Variants in CSF1R observed in about 807,000 individuals in gnomAD.
CSF1R encodes macrophage colony-stimulating factor 1 receptor.
CSF1R carries 40 observed loss-of-function variants against 110.0 expected under a neutral mutation model. That is an observed-to-expected ratio of 0.36 (90% CI 0.28 to 0.47). The LOEUF (loss-of-function observed/expected upper bound fraction) is 0.47. Ranked by LOEUF, CSF1R falls within the 20% of genes least tolerant of loss-of-function variation. The pLI is 0.99. For synonymous variants in CSF1R, 523 were observed against 503.4 expected (o/e 1.04, Z -0.52); for missense variants, 1,052 against 1,253.0 (o/e 0.84, Z 2.42).
intron 1 of CSF1R, among the ~76,000 whole-genome samples, chr5:150,085,487 G>A (rs576522451): frequency 2.9e-3 from 435 of 152,086 alleles, no homozygotes; most frequent in Non-Finnish European, 4.8e-3. Context: ...CAATAGAAAT[G>A]TGTTTGTTGG....
At chr5:150,113,250 C>A (rs1278420867) in intron 1 of CSF1R, 2 of 155,502 alleles carry the variant, frequency 1.3e-5, no homozygotes, top group African/African-American at 4.8e-5. Flanking sequence ...TATTCCCTCC[C>A]CTGTCCTTAC....
rs776648122 is a variant in CSF1R at position 150,080,356 on chromosome 5, A to G, written c.308-20T>C. On this transcript the variant is annotated intron_variant, in intron 2 of 20. Transcript: ENST00000675795. ...CAGGGTCTAGAGTAGAGGAGGGCAC[A>G]GGGTTACAACTGCCCTCCCTCCACT... 4 of 1,607,204 alleles carry G rather than the reference A, an allele frequency of 2.5e-6. No individual in the cohort carries two copies. In the Admixed American group the frequency reaches 6.7e-5, roughly 27 times the overall value.
chr5:150,080,662 C>A, intron 2 of CSF1R, 105 bp downstream of exon 2: 1 of 1,411,688 alleles, frequency 7.1e-7, no homozygotes, highest in Admixed American at 2.0e-5. Context: ...TCATAGCCAG[C>A]ACTCAGTAAA....
Position 150,059,691 on chromosome 5 carries a change from A to T in CSF1R, c.2132+9T>A, listed in dbSNP as rs771828963. The T allele has an allele frequency of 6.2e-7, 1 of 1,612,442 alleles. No individual in the cohort carries two copies. Among genetic ancestry groups the T allele is most frequent in the Non-Finnish European group, 8.5e-7 (1 of 1,178,622 alleles). On this transcript the variant is annotated intron_variant, in intron 14 of 20. Transcript: ENST00000675795. ...CCTGGCCTTTTTCTTGTCCTTTGCC[A>T]GGGGCTACCTGCGGACATATTTCTT...
At chr5:150,089,046 C>T (rs776753239), upstream of CSF1R, among the ~76,000 whole-genome samples, 10 of 152,106 alleles carry the variant, frequency 6.6e-5, no homozygotes, top group Non-Finnish European at 1.5e-4. Context: ...CAAAACCCAC[C>T]CAACAAACTA....
chr5:150,069,741 T>C, intron 9 of CSF1R, 132 bp downstream of exon 9: 1 of 802,290 alleles, frequency 1.2e-6, no homozygotes, highest in Non-Finnish European at 1.9e-6. Flanking sequence ...TGGACCTTGG[T>C]ACTGCTAGGA....
chr5:150,098,730 G>A (rs961863583), intron 1 of CSF1R, among the ~76,000 whole-genome samples: 2 of 151,832 alleles, frequency 1.3e-5, no homozygotes, highest in South Asian at 4.2e-4. Flanking sequence ...TAAATGATAA[G>A]ATAATTTGCC....
intron 9 of CSF1R, 30 bp downstream of exon 9, chr5:150,069,843 G>T (rs777897854): frequency 9.3e-6 from 13 of 1,394,400 alleles, no homozygotes; most frequent in African/African-American, 1.5e-5. Context: ...CGGGCGGGGG[G>T]GCGGTGCGGG....
At chr5:150,054,542 A>T (rs1757103020) in intron 19 of CSF1R, 112 bp from the exon 20 acceptor site, 8 of 819,530 alleles carry the variant, frequency 9.8e-6, no homozygotes, top group Admixed American at 3.0e-5. Context: ...CAGTCAAAGT[A>T]AGTTTAGTAT....
chr5:150,082,029 G>C (rs770864990), intron 1 of CSF1R, among the ~76,000 whole-genome samples: 5 of 152,178 alleles, frequency 3.3e-5, no homozygotes, highest in Non-Finnish European at 7.3e-5. Context: ...CCCGGTTTCC[G>C]CTCAGCCTGT....
chr5:150,068,378 C>T (rs1023888118), intron 9 of CSF1R, 48 bp from the exon 10 acceptor site: 7 of 1,407,126 alleles, frequency 5.0e-6, no homozygotes, highest in Non-Finnish European at 2.0e-6. Context: ...TGCCTCCGAG[C>T]CCCCTGAGGT....
intron 1 of CSF1R, among the ~76,000 whole-genome samples, chr5:150,109,546 ACTC>A (rs1759658363): frequency 6.6e-6 from 1 of 152,112 alleles, no homozygotes; most frequent in African/African-American, 2.4e-5. Flanking sequence ...TCTGTCTTCA[ACTC>A]TTCTCTGTCA....
Position 150,062,047 on chromosome 5 carries a change from G to A in CSF1R, c.1627-198C>T, listed in dbSNP as rs144377050. On this transcript the variant is annotated intron_variant, in intron 10 of 20. Coordinates refer to ENST00000675795, the MANE Select transcript of CSF1R (RefSeq NM_001288705.3). ...GCATGTTCCTGCTTGACTCTGCCTTGTTGTGTGACCTTCCCTTCTCCAAGC... is the reference window on the plus strand; with the variant it reads ...GCATGTTCCTGCTTGACTCTGCCTTATTGTGTGACCTTCCCTTCTCCAAGC... Among the ~76,000 whole-genome samples, 450 of 152,254 alleles carry A rather than the reference G, an allele frequency of 3.0e-3. 3 individuals are homozygous for A. Among genetic ancestry groups the A allele is most frequent in the African/African-American group, 0.01 (430 of 41,540 alleles).
Position 150,094,333 on chromosome 5 carries a change from T to C in CSF1R, c.-180-7726A>G, listed in dbSNP as rs895017335. On this transcript the variant is annotated intron_variant, in intron 1 of 21. Transcript: ENST00000286301. ...GGTGTAGAAGAGAAGAAGAAGGAGGTTCCTGCTGTGCCAGAAACCCTTAAG... is the reference window on the plus strand; with the variant it reads ...GGTGTAGAAGAGAAGAAGAAGGAGGCTCCTGCTGTGCCAGAAACCCTTAAG... The C allele has an allele frequency of 2.0e-5, 32 of 1,597,068 alleles. No individual in the cohort carries two copies. The Admixed American group carries it at 2.0e-4, about 10-fold the overall frequency.
chr5:150,077,193 G>T, intron 5 of CSF1R, 83 bp downstream of exon 5: 1 of 1,561,326 alleles, frequency 6.4e-7, no homozygotes, highest in Non-Finnish European at 8.8e-7. Context: ...CTCCTTCCCT[G>T]ACATCAGCTT....
rs544729900 is a variant in CSF1R at position 150,069,887 on chromosome 5, A to T, written c.1496T>A (p.Ile499Lys). Reference sequence around the variant, plus strand: ...CTCCCTCTCACCTGCAGAGATGGGTATGAAGGCCCAGGAGCCACTCCCCAC... The same window carrying T: ...CTCCCTCTCACCTGCAGAGATGGGTTTGAAGGCCCAGGAGCCACTCCCCAC... The part of the protein sequence containing the change: ...NSVGSGSWAF[I>K]PISAGAHTHP... The change falls in exon 9 of 21, where the codon ATA (isoleucine) becomes AAA (lysine). Residue 499 changes from isoleucine (I) to lysine (K), a missense_variant. Around this residue, in one of 5 missense-constraint regions of CSF1R, gnomAD observed 693 missense variants for 735.4 expected, o/e 0.94. Transcript: ENST00000675795. 289 of 1,611,982 alleles carry T rather than the reference A, an allele frequency of 1.8e-4. 1 individual carries two copies. In the South Asian group the frequency reaches 3.1e-3, roughly 17 times the overall value.
intron 1 of CSF1R, among the ~76,000 whole-genome samples, chr5:150,112,471 G>A (rs1410565287): frequency 6.6e-6 from 1 of 152,220 alleles, no homozygotes; most frequent in Non-Finnish European, 1.5e-5. Context: ...GCCTGATGTG[G>A]TGTAATCCAC....
At chr5:150,097,471 T>C (rs1302404555) in intron 1 of CSF1R, among the ~76,000 whole-genome samples, 2 of 143,266 alleles carry the variant, frequency 1.4e-5, no homozygotes, top group African/African-American at 5.1e-5. Flanking sequence ...AGAAAAAGAG[T>C]TCAAAAGAAG....
Position 150,057,534 on chromosome 5 carries a change from T to C in CSF1R, c.2191A>G (p.Thr731Ala). The C allele has an allele frequency of 1.2e-6, 2 of 1,614,170 alleles. No homozygotes were observed. The highest frequency in any genetic ancestry group is 1.7e-6 in the Non-Finnish European group (2 of 1,180,016). ...DTYVEMRPVSTSSNDSFSEQD... is the reference protein window; with the variant it reads ...DTYVEMRPVSASSNDSFSEQD... ...TCAGAGAAGGAGTCATTTGAAGAAG[T>C]GGAGACAGGCCTCATCTCCACATAG... Residue 731 changes from threonine to alanine, a missense_variant, in exon 15 of 21, where the codon ACT becomes GCT. Around this residue, in one of 5 missense-constraint regions of CSF1R, gnomAD observed 124 missense variants for 117.7 expected, o/e 1.05. Transcript: ENST00000675795.
Sources: gnomAD v4.1 joint callset for allele counts (sites outside exome capture counted in the v4.1 genomes callset) on GRCh38, gnomAD v4.1.1 for gene constraint, gnomAD v4.1.1 regional missense constraint, MANE v1.5 for transcripts, NCBI Gene and HGNC (gene_info 2026-07-23, HGNC 2026-07-21) for gene names.